The following LPIN1 variants were observed in gnomAD, a reference collection of about 807,000 sequenced individuals.
The protein encoded by LPIN1 is lipin 1.
In LPIN1, 71 loss-of-function variants were observed where a neutral mutation model predicts 107.5. That is an observed-to-expected ratio of 0.66 (90% CI 0.55 to 0.80). LPIN1 has a LOEUF of 0.80. Ranked by LOEUF, LPIN1 falls within the 30% of genes least tolerant of loss-of-function variation. The pLI is 0.00. For synonymous variants in LPIN1, 445 were observed against 452.6 expected (o/e 0.98, Z 0.21); for missense variants, 1,043 against 1,160.6 (o/e 0.90, Z 1.47).
At chr2:11,814,797 A>G (rs1680294484) in intron 17 of LPIN1, among the ~76,000 whole-genome samples, 1 of 152,162 alleles carries the variant, frequency 6.6e-6, no homozygotes, top group South Asian at 2.1e-4. Context: ...AGTTTCATCC[A>G]TCTGAACCTC....
intron 13 of LPIN1, among the ~76,000 whole-genome samples, chr2:11,793,531 T>C (rs1305490884): frequency 6.6e-6 from 1 of 152,236 alleles, no homozygotes; most frequent in African/African-American, 2.4e-5. Context: ...GTGTTCTAGC[T>C]CCTGCCTGCC....
At chr2:11,779,760 C>T in intron 7 of LPIN1, 115 bp downstream of exon 7, 2 of 1,255,850 alleles carry the variant, frequency 1.6e-6, no homozygotes, top group Non-Finnish European at 2.3e-6. Context: ...CAGAGGTAAA[C>T]CAAAATATAT....
At position 11,776,072 on chromosome 2, in the gene LPIN1, G is replaced by A. The variant is rs1455826822; in HGVS notation, c.723-14G>A. 8 of 1,493,006 alleles carry A rather than the reference G, an allele frequency of 5.4e-6. No individual in the cohort carries two copies. Among genetic ancestry groups the A allele is most frequent in the Non-Finnish European group, 5.5e-6 (6 of 1,097,944 alleles). 92.5% of individuals were successfully genotyped at this position (1,493,006 alleles called of 1,614,324 possible). A position where few individuals can be genotyped will look rare whatever the true frequency, so the allele number is the denominator to read the frequency against. ...TTGTCTTTCTTTTAATGTGTATCAC[G>A]TGGTGGTATCCAGTAGCCTGGTAGA... On this transcript the variant is annotated splice_polypyrimidine_tract_variant and intron_variant, in intron 5 of 20. Coordinates refer to ENST00000674199, the MANE Select transcript of LPIN1 (RefSeq NM_001349206.2).
rs1671777434 is a variant in LPIN1 at position 11,771,173 on chromosome 2, T to C, written c.289-199T>C. On this transcript the variant is annotated intron_variant, in intron 3 of 20. Transcript: ENST00000674199. The surrounding 1 kb of genome is among the most constrained non-coding windows in gnomAD (Gnocchi z 4.8). ...GTACAAAGTGGCATTCAATACATTGTTGGCTTTCTGATCTTCTACCAGATT... is the reference window on the plus strand; with the variant it reads ...GTACAAAGTGGCATTCAATACATTGCTGGCTTTCTGATCTTCTACCAGATT... Among the ~76,000 whole-genome samples, 1 of 152,208 alleles carries C rather than the reference T, an allele frequency of 6.6e-6. No homozygotes were observed. The highest frequency in any genetic ancestry group is 2.4e-5 in the African/African-American group (1 of 41,458).
At chr2:11,808,837 C>CT (rs1441455094) in intron 17 of LPIN1, among the ~76,000 whole-genome samples, 1 of 149,780 alleles carries the variant, frequency 6.7e-6, no homozygotes, top group Non-Finnish European at 1.5e-5. Flanking sequence ...CACCATTGCA[C>CT]TCCAGCCTGG....
chr2:11,810,306 A>T (rs1220303254), intron 17 of LPIN1, among the ~76,000 whole-genome samples: 1 of 152,174 alleles, frequency 6.6e-6, no homozygotes, highest in Non-Finnish European at 1.5e-5. Context: ...CCCTGTGAGA[A>T]GGTGGCACTC....
chr2:11,815,201 T>C lies in LPIN1; in HGVS notation c.2363T>C (p.Leu788Pro), dbSNP rs748193273. Reference protein sequence around the residue: ...ERGTVLPQGPLLLSPSSLFSA... With the variant: ...ERGTVLPQGPPLLSPSSLFSA... The stretch of plus-strand genomic sequence containing the variant: ...GGCACGGTGCTGCCCCAGGGGCCCC[T>C]GCTGCTGAGTCCCAGCAGCCTCTTC... The change falls in exon 18 of 21, where the codon CTG (leucine) becomes CCG (proline). Residue 788 changes from leucine (L) to proline (P), a missense_variant. Coordinates refer to ENST00000674199, the MANE Select transcript of LPIN1 (RefSeq NM_001349206.2). The C allele has an allele frequency of 6.2e-7, 1 of 1,614,192 alleles. No homozygotes were observed. Among genetic ancestry groups the C allele is most frequent in the Non-Finnish European group, 8.5e-7 (1 of 1,180,018 alleles).
intron 1 of LPIN1, among the ~76,000 whole-genome samples, chr2:11,699,624 G>A (rs534557511): frequency 7.2e-5 from 11 of 152,210 alleles, no homozygotes; most frequent in African/African-American, 2.4e-4. Context: ...CTTGGGTATC[G>A]GTTGACTGTG....
At chr2:11,808,175 CTA>C (rs1192636099) in intron 17 of LPIN1, among the ~76,000 whole-genome samples, 2 of 152,200 alleles carry the variant, frequency 1.3e-5, no homozygotes, top group Non-Finnish European at 2.9e-5. Flanking sequence ...TTGCTGGACT[CTA>C]TGTGGATATC....
intron 1 of LPIN1, among the ~76,000 whole-genome samples, chr2:11,748,780 A>G (rs1267071376): frequency 6.6e-6 from 1 of 152,164 alleles, no homozygotes; most frequent in Non-Finnish European, 1.5e-5. Context: ...AAGCCTGCCA[A>G]TGGGGGTAGT....
rs1473737311 is a variant in LPIN1, at chr2:11,696,937, G to A, written c.82-16819G>A. Among the ~76,000 whole-genome samples the A allele has an allele frequency of 2.0e-5, 3 of 152,178 alleles. No homozygotes were observed. The South Asian group carries it at 6.2e-4, about 32-fold the overall frequency. ...GGCCGCACCTCCTCTGTGCTCCTGC[G>A]TCTCTCTGTTCTTCTTTAGAGTGGT... On this transcript the variant is annotated intron_variant, in intron 1 of 21. Transcript: ENST00000449576.
chr2:11,692,597 A>T (rs868469358), intron 1 of LPIN1, among the ~76,000 whole-genome samples: 1 of 152,266 alleles, frequency 6.6e-6, no homozygotes, highest in African/African-American at 2.4e-5. Context: ...CTTAGCAATA[A>T]GGAGCACGAT....
rs3795974 is a variant in LPIN1 at position 11,784,824 on chromosome 2, T to C, written c.1359-62T>C. 0.6 allele frequency: 917,715 copies of C among 1,517,020 alleles called. 283,488 individuals are homozygous for C. Among genetic ancestry groups the C allele is most frequent in the African/African-American group, 0.79 (57,601 of 73,090 alleles). 94.0% of individuals were successfully genotyped at this position (1,517,020 alleles called of 1,614,324 possible). A position where few individuals can be genotyped will look rare whatever the true frequency, so the allele number is the denominator to read the frequency against. On this transcript the variant is annotated intron_variant, in intron 9 of 20. Transcript: ENST00000674199. ...CGCGTGCCAGAGCATCACTGGATGG[T>C]GATGTAGGACCCTGAACTGGGACAG...
upstream of LPIN1, chr2:11,722,068 T>A (rs1479863984): frequency 6.6e-6 from 1 of 152,248 alleles, no homozygotes; most frequent in Non-Finnish European, 1.5e-5. Context: ...GCTATTTCAT[T>A]GATTTATGGC....
intron 1 of LPIN1, among the ~76,000 whole-genome samples, chr2:11,749,185 G>C (rs1458397369): frequency 6.6e-6 from 1 of 152,210 alleles, no homozygotes; most frequent in East Asian, 1.9e-4. Flanking sequence ...TGACGTCACA[G>C]GTTCTTCATT....
chr2:11,690,689 A>G (rs554263503), intron 1 of LPIN1, among the ~76,000 whole-genome samples: 9 of 151,702 alleles, frequency 5.9e-5, no homozygotes, highest in Non-Finnish European at 1.2e-4. Context: ...TCCTTACTAT[A>G]TTTTACTTCA....
chr2:11,680,866 C>T (rs971855880), intron 1 of LPIN1, among the ~76,000 whole-genome samples: 1 of 152,168 alleles, frequency 6.6e-6, no homozygotes, highest in Non-Finnish European at 1.5e-5. Context: ...GGCCAAAGTT[C>T]GGGGGCCACG....
At chr2:11,781,932 A>G (rs1301638575) in intron 7 of LPIN1, among the ~76,000 whole-genome samples, 2 of 152,252 alleles carry the variant, frequency 1.3e-5, no homozygotes, top group African/African-American at 4.8e-5. Context: ...CTTGTAATCT[A>G]ACAGCATTTA....
rs1672328318 is a variant in LPIN1 at position 11,774,328 on chromosome 2, G to C, written c.722+583G>C. Among the ~76,000 whole-genome samples the C allele has an allele frequency of 6.6e-6, 1 of 152,156 alleles. No homozygotes were observed. Among genetic ancestry groups the C allele is most frequent in the Admixed American group, 6.5e-5 (1 of 15,282 alleles). On this transcript the variant is annotated intron_variant, in intron 5 of 20. Coordinates refer to ENST00000674199, the MANE Select transcript of LPIN1 (RefSeq NM_001349206.2). This position sits in a 1 kb window ranked among gnomAD's most constrained non-coding sequence, Gnocchi z 4.4. Reference sequence around the variant, plus strand: ...GTGAGCCCCCTGGCTAGTTTTCAAAGGACTTGGGGAAGAGGGTAGAGCTAA... The same window carrying C: ...GTGAGCCCCCTGGCTAGTTTTCAAACGACTTGGGGAAGAGGGTAGAGCTAA...
Sources: allele counts gnomAD v4.1 joint callset (sites outside exome capture counted in the v4.1 genomes callset), GRCh38; gene constraint gnomAD v4.1.1; non-coding constraint Gnocchi (gnomAD v3.1); transcripts MANE v1.5; gene names NCBI Gene and HGNC (gene_info 2026-07-23, HGNC 2026-07-21).